The following FSTL5 variants were observed in gnomAD, a reference collection of about 807,000 sequenced individuals.
FSTL5 encodes the protein follistatin-related protein 5.
Under a neutral mutation model 89.1 loss-of-function variants are expected in FSTL5, and 62 were observed. That is an observed-to-expected ratio of 0.70 (90% CI 0.57 to 0.86). The LOEUF is 0.86. Among genes scored for constraint, FSTL5 ranks in the 40% least tolerant of loss-of-function variants. The pLI is 0.00. For synonymous variants in FSTL5, 383 were observed against 346.2 expected, an observed-to-expected ratio of 1.11 and a Z score of -1.18; for missense variants, 1,057 against 1,001.6, an observed-to-expected ratio of 1.06 and a Z score of -0.75.
chr4:161,758,129 A>G (rs1242458540), intron 6 of FSTL5, among the ~76,000 whole-genome samples: 1 of 152,226 alleles, frequency 6.6e-6, no homozygotes, highest in Non-Finnish European at 1.5e-5. Flanking sequence ...TGCTTAAATT[A>G]TCACATAAAA....
intron 6 of FSTL5, among the ~76,000 whole-genome samples, chr4:161,688,755 G>A (rs911726942): frequency 2.0e-5 from 3 of 152,048 alleles, no homozygotes; most frequent in Non-Finnish European, 1.5e-5. Flanking sequence ...ATAATGAATG[G>A]CATCTTTCAT....
intron 4 of FSTL5, among the ~76,000 whole-genome samples, chr4:161,811,439 T>C (rs1730143426): frequency 6.6e-6 from 1 of 152,190 alleles, no homozygotes; most frequent in Non-Finnish European, 1.5e-5. Flanking sequence ...GACAGCACTT[T>C]AATGGACCTT....
intron 10 of FSTL5, among the ~76,000 whole-genome samples, chr4:161,532,769 G>A (rs892357098): frequency 5.9e-5 from 9 of 151,934 alleles, no homozygotes; most frequent in South Asian, 2.1e-4. Flanking sequence ...ATACTCCACC[G>A]AATCACCACA....
intron 3 of FSTL5, among the ~76,000 whole-genome samples, chr4:161,961,536 T>C (rs1735176254): frequency 6.6e-6 from 1 of 150,638 alleles, no homozygotes; most frequent in Non-Finnish European, 1.5e-5. Flanking sequence ...TATATATATA[T>C]ATATACATAT....
intron 11 of FSTL5, among the ~76,000 whole-genome samples, chr4:161,505,120 A>G (rs1730432116): frequency 6.6e-6 from 1 of 152,088 alleles, no homozygotes; most frequent in South Asian, 2.1e-4. Flanking sequence ...CTTTCAAGTG[A>G]TCCTAAAAGT....
intron 4 of FSTL5, among the ~76,000 whole-genome samples, chr4:161,902,254 T>C (rs1041479760): frequency 2.6e-5 from 4 of 152,192 alleles, no homozygotes; most frequent in African/African-American, 7.2e-5. Context: ...AACTAAGCAT[T>C]TATTTATATT....
intron 6 of FSTL5, among the ~76,000 whole-genome samples, chr4:161,680,709 AT>A (rs536123136): frequency 6.3e-4 from 95 of 151,664 alleles, no homozygotes; most frequent in African/African-American, 1.7e-3. Flanking sequence ...AGTAAAATAT[AT>A]TTTTTTATAT....
intron 13 of FSTL5, among the ~76,000 whole-genome samples, chr4:161,466,981 A>T (rs1384176825): frequency 6.6e-6 from 1 of 151,508 alleles, no homozygotes; most frequent in Non-Finnish European, 1.5e-5. Flanking sequence ...TACACATTTA[A>T]TACCAGTCCA....
chr4:162,068,818 TC>T (rs1729463090), intron 2 of FSTL5, among the ~76,000 whole-genome samples: 1 of 152,006 alleles, frequency 6.6e-6, no homozygotes, highest in Non-Finnish European at 1.5e-5. Flanking sequence ...ATATCCAGAA[TC>T]TAAAAGGAAC....
At chr4:161,504,620 CTT>C (rs1254732781) in intron 11 of FSTL5, among the ~76,000 whole-genome samples, 1 of 151,656 alleles carries the variant, frequency 6.6e-6, no homozygotes, top group Non-Finnish European at 1.5e-5. Flanking sequence ...TTTCTTTCTG[CTT>C]TTTCTTTCTA....
intron 3 of FSTL5, among the ~76,000 whole-genome samples, chr4:161,936,293 A>G (rs182079115): frequency 6.6e-6 from 1 of 152,330 alleles, no homozygotes; most frequent in Admixed American, 6.5e-5. Flanking sequence ...GTGTGTATGT[A>G]TGTGTATATG....
At chr4:161,957,655 T>C (rs1472896062) in intron 3 of FSTL5, among the ~76,000 whole-genome samples, 2 of 152,168 alleles carry the variant, frequency 1.3e-5, no homozygotes, top group African/African-American at 2.4e-5. Context: ...TCCTTTTCCA[T>C]TAAATATCGT....
intron 1 of FSTL5, among the ~76,000 whole-genome samples, chr4:162,121,145 G>A (rs1160834261): frequency 6.6e-6 from 1 of 151,638 alleles, no homozygotes; most frequent in East Asian, 1.9e-4. Context: ...TAAACATATA[G>A]ATGTTTATAA....
intron 10 of FSTL5, among the ~76,000 whole-genome samples, chr4:161,521,203 T>A (rs972901566): frequency 6.6e-6 from 1 of 152,202 alleles, no homozygotes; most frequent in African/African-American, 2.4e-5. Flanking sequence ...TTTAGTATAA[T>A]TTACCTATCT....
At chr4:162,113,090 C>T (rs935819628) in intron 1 of FSTL5, among the ~76,000 whole-genome samples, 1 of 152,122 alleles carries the variant, frequency 6.6e-6, no homozygotes, top group African/African-American at 2.4e-5. Context: ...ATCTCAACAT[C>T]ATCTCTGGTC....
rs71598720 is a variant in FSTL5 at position 161,606,240 on chromosome 4, ATTTTTTTTTT to A, written c.895-18675_895-18666del. On this transcript the variant is annotated intron_variant, in intron 7 of 15. Transcript: ENST00000306100. ...TTTCCAGAGATAATGATTATCTGTG[ATTTTTTTTTT>A]TTTTTTTTTTTTTTGACGGAGTCTC... Among the ~76,000 whole-genome samples the A allele has an allele frequency of 1.1e-4, 13 of 117,858 alleles. No homozygotes were observed. The South Asian group carries it at 1.4e-3, about 12-fold the overall frequency. The allele number at this position is 117,858 out of a possible 152,430, so 77.3% of individuals were successfully genotyped here. A position where few individuals can be genotyped will look rare whatever the true frequency, so the allele number is the denominator to read the frequency against.
intron 7 of FSTL5, among the ~76,000 whole-genome samples, chr4:161,618,535 G>C (rs781172476): frequency 1.1e-4 from 16 of 150,040 alleles, no homozygotes; most frequent in South Asian, 2.1e-4. Flanking sequence ...TAGCATGAAG[G>C]GTTGTTGAAT....
At chr4:161,591,940 C>T (rs1412296571) in intron 7 of FSTL5, among the ~76,000 whole-genome samples, 2 of 152,172 alleles carry the variant, frequency 1.3e-5, no homozygotes, top group Non-Finnish European at 2.9e-5. Context: ...TAGGCTTACT[C>T]CAGAGTCTGT....
At chr4:161,733,801 A>T (rs1739697251) in intron 6 of FSTL5, among the ~76,000 whole-genome samples, 1 of 152,000 alleles carries the variant, frequency 6.6e-6, no homozygotes, top group Admixed American at 6.6e-5. Flanking sequence ...ATCAAAACTT[A>T]TTAAAATATT....
Sources: allele counts gnomAD v4.1 joint callset (sites outside exome capture counted in the v4.1 genomes callset), GRCh38; gene constraint gnomAD v4.1.1; transcripts MANE v1.5; gene names NCBI Gene and HGNC (gene_info 2026-07-23, HGNC 2026-07-21).